INVS: variants seen among roughly 807,000 people sequenced by gnomAD.
INVS encodes inversin.
In INVS, 86 loss-of-function variants were observed where a neutral mutation model predicts 108.8. That is an observed-to-expected ratio of 0.79 (90% CI 0.66 to 0.95). The LOEUF is 0.95. Ranked by LOEUF, INVS falls within the 40% of genes least tolerant of loss-of-function variation. The pLI is 0.00. For missense variants in INVS, 1,169 were observed against 1,297.4 expected, an observed-to-expected ratio of 0.90 and a Z score of 1.52; for synonymous variants, 455 against 473.5, an observed-to-expected ratio of 0.96 and a Z score of 0.51.
intron 2 of INVS, among the ~76,000 whole-genome samples, chr9:100,124,011 G>T (rs531317037): frequency 1.3e-5 from 2 of 152,274 alleles, no homozygotes; most frequent in African/African-American, 4.8e-5. Context: ...TTTTTGCCAT[G>T]TTGGCCAGGC....
At chr9:100,175,234 TA>T (rs1211125472) in intron 3 of INVS, 3 of 603,966 alleles carry the variant, frequency 5.0e-6, no homozygotes, top group Non-Finnish European at 9.1e-6. Context: ...CATCCAACTG[TA>T]AAGACTCTTT....
chr9:100,147,174 A>T (rs1007705976), intron 3 of INVS, among the ~76,000 whole-genome samples: 1 of 152,228 alleles, frequency 6.6e-6, no homozygotes, highest in African/African-American at 2.4e-5. Context: ...ACACAACTAT[A>T]TGCTTAGTTT....
At chr9:100,189,267 C>G (rs995597912) in intron 3 of INVS, among the ~76,000 whole-genome samples, 3 of 151,490 alleles carry the variant, frequency 2.0e-5, no homozygotes, top group African/African-American at 7.3e-5. Flanking sequence ...TATTTCTTTT[C>G]TTTTGCTAGT....
Position 100,300,575 on chromosome 9 carries a change from C to A in INVS, c.3099C>A (p.Asn1033Lys), listed in dbSNP as rs368303175. ...SSVLRLNSVS[N>K]LQCIHLLENS... ...GGTATTTGTTTTTAACAGTGAGCAA[C>A]CTACAGTGTATACATCTCCTTGAGA... Residue 1033 changes from asparagine to lysine, a missense_variant, in exon 17 of 17, where the codon AAC becomes AAA. Asn to Lys is a moderately conservative substitution (Grantham distance 94). Coordinates refer to ENST00000262457, the MANE Select transcript of INVS (RefSeq NM_014425.5). 3 of 1,606,860 alleles carry A rather than the reference C, an allele frequency of 1.9e-6. No homozygotes were observed. The highest frequency in any genetic ancestry group is 3.3e-5 in the Admixed American group (2 of 60,012).
At position 100,242,607 on chromosome 9, in the gene INVS, T is replaced by G; in HGVS notation, c.834T>G (p.Asn278Lys). ...AQIVHLLLERNKSGTIPSDSQ... is the reference protein window; with the variant it reads ...AQIVHLLLERKKSGTIPSDSQ... ...TTGTCCATCTCCTTTTAGAAAGAAA[T>G]AAGTCTGGAACTATCCCATCTGACA... Residue 278 changes from asparagine to lysine, a missense_variant, in exon 7 of 17, where the codon AAT becomes AAG. By Grantham distance (94) the Asn-to-Lys change is moderately conservative. Transcript: ENST00000262457. 1 of 1,611,888 alleles carries G rather than the reference T, an allele frequency of 6.2e-7. No individual in the cohort carries two copies. The highest frequency in any genetic ancestry group is 1.1e-5 in the South Asian group (1 of 90,996).
chr9:100,127,672 T>TA (rs35439749), intron 3 of INVS, among the ~76,000 whole-genome samples: 2 of 152,140 alleles, frequency 1.3e-5, no homozygotes, highest in Admixed American at 6.5e-5. Flanking sequence ...GTTGAATGCA[T>TA]AAAAAAAGGC....
At chr9:100,262,905 C>T (rs1396551548) in intron 10 of INVS, among the ~76,000 whole-genome samples, 2 of 152,042 alleles carry the variant, frequency 1.3e-5, no homozygotes, top group Non-Finnish European at 2.9e-5. Flanking sequence ...CACCACCACA[C>T]CTGGCTAAAT....
At chr9:100,165,804 A>G (rs1450962437) in intron 3 of INVS, among the ~76,000 whole-genome samples, 1 of 152,166 alleles carries the variant, frequency 6.6e-6, no homozygotes, top group Admixed American at 6.5e-5. Context: ...CTTACTTGCT[A>G]TCTGCTATGT....
chr9:100,100,041 C>T (rs1227254793), intron 1 of INVS, among the ~76,000 whole-genome samples: 1 of 152,134 alleles, frequency 6.6e-6, no homozygotes, highest in East Asian at 1.9e-4. Flanking sequence ...ATTACTCTTC[C>T]TATGAGTGTG....
chr9:100,112,936 T>G (rs1827388199), intron 2 of INVS, among the ~76,000 whole-genome samples: 1 of 152,194 alleles, frequency 6.6e-6, no homozygotes, highest in African/African-American at 2.4e-5. Context: ...ATTACTGTTA[T>G]CTTGCTAATA....
intron 3 of INVS, among the ~76,000 whole-genome samples, chr9:100,213,964 T>G (rs1830912138): frequency 6.6e-6 from 1 of 152,194 alleles, no homozygotes; most frequent in Non-Finnish European, 1.5e-5. Context: ...CCATGGTAGA[T>G]TGACTCTTCC....
chr9:100,152,382 A>T (rs1316963315), intron 3 of INVS, among the ~76,000 whole-genome samples: 2 of 152,200 alleles, frequency 1.3e-5, no homozygotes, highest in African/African-American at 4.8e-5. Context: ...CAAGATTCTC[A>T]TCCTAATCTT....
chr9:100,264,946 T>G lies in INVS; in HGVS notation c.1571+18T>G. On this transcript the variant is annotated intron_variant, in intron 11 of 16. Transcript: ENST00000262457. ...GAAGAGAGGTAAGTTGTTGTTGACT[T>G]TTTTTTTTTTTTTTGAGATGGCTTC... is the stretch of plus-strand genomic sequence containing the variant. 2 of 1,137,372 alleles carry G rather than the reference T, an allele frequency of 1.8e-6. No individual in the cohort carries two copies. Among genetic ancestry groups the G allele is most frequent in the Non-Finnish European group, 2.5e-6 (2 of 808,584 alleles). The allele number at this position is 1,137,372 out of a possible 1,614,324, so 70.5% of individuals were successfully genotyped here.
chr9:100,163,570 T>G (rs1829262045), intron 3 of INVS, among the ~76,000 whole-genome samples: 1 of 152,162 alleles, frequency 6.6e-6, no homozygotes, highest in African/African-American at 2.4e-5. Flanking sequence ...ATTTTTAAAG[T>G]ATATATTATA....
intron 3 of INVS, among the ~76,000 whole-genome samples, chr9:100,142,956 A>C (rs7868632): frequency 0.21 from 31,992 of 151,998 alleles, 5,727 homozygotes; most frequent in African/African-American, 0.49. Context: ...CGGAGACGAT[A>C]ATCAGGGAGA....
chr9:100,209,457 A>T (rs966787183), intron 3 of INVS, among the ~76,000 whole-genome samples: 1 of 152,114 alleles, frequency 6.6e-6, no homozygotes, highest in African/African-American at 2.4e-5. Context: ...GACCTCTCTC[A>T]TGTCCCTCCC....
At chr9:100,204,301 T>C (rs1830615991) in intron 3 of INVS, among the ~76,000 whole-genome samples, 1 of 152,244 alleles carries the variant, frequency 6.6e-6, no homozygotes, top group Non-Finnish European at 1.5e-5. Context: ...AGTTCACTTC[T>C]ATTCACTGCT....
At chr9:100,226,810 C>CAAA (rs59853701) in intron 4 of INVS, among the ~76,000 whole-genome samples, 62 of 78,566 alleles carry the variant, frequency 7.9e-4, no homozygotes, top group South Asian at 1.3e-3. Context: ...GAGACTGTCT[C>CAAA]AAAAAAAAAA....
At chr9:100,141,979 G>A (rs991413979) in intron 3 of INVS, among the ~76,000 whole-genome samples, 3 of 152,156 alleles carry the variant, frequency 2.0e-5, no homozygotes, top group African/African-American at 7.2e-5. Flanking sequence ...TGGGGGAGTA[G>A]GTGGGAGTGA....
Sources: gnomAD v4.1 joint callset for allele counts (sites outside exome capture counted in the v4.1 genomes callset) on GRCh38, gnomAD v4.1.1 for gene constraint, MANE v1.5 for transcripts, NCBI Gene and HGNC (gene_info 2026-07-23, HGNC 2026-07-21) for gene names.